The following BANP variants were observed in gnomAD, a reference collection of about 807,000 sequenced individuals.
BANP encodes the protein protein BANP.
A neutral mutation model predicts 68.1 loss-of-function variants in BANP; 11 were observed. The observed-to-expected ratio is 0.16, with a 90% confidence interval of 0.10 to 0.27. BANP has a LOEUF of 0.27. BANP is among the 10% of genes least tolerant of loss of function. The probability of loss-of-function intolerance (pLI) is 1.00; values close to 1 mark genes in which losing one functional copy is unlikely to be tolerated. For missense variants in BANP, 504 were observed against 722.7 expected, an observed-to-expected ratio of 0.70 and a Z score of 3.47; for synonymous variants, 329 against 303.2, an observed-to-expected ratio of 1.09 and a Z score of -0.88.
At chr16:87,980,665 C>T in intron 2 of BANP, 2 of 226,550 alleles carry the variant, frequency 8.8e-6, no homozygotes, top group South Asian at 1.2e-4. Context: ...AATGAGGTGA[C>T]CAACAGATAA....
At chr16:88,028,752 G>A (rs981687573) in intron 8 of BANP, among the ~76,000 whole-genome samples, 6 of 152,196 alleles carry the variant, frequency 3.9e-5, no homozygotes, top group African/African-American at 7.2e-5. Flanking sequence ...GGAATATTGC[G>A]CATGACTTGA....
Position 87,975,107 on chromosome 16 carries a change from G to A in BANP, c.-9G>A, listed in dbSNP as rs769631835. ...CTTTCGTGTTGACCGGCCACTCTCC[G>A]TGCTCTGGATGATGTCGGAACACGA... is the stretch of plus-strand genomic sequence containing the variant. On this transcript the variant is annotated 5_prime_UTR_variant, in exon 2 of 14. It adds an upstream start codon to the 5' untranslated region. Transcript: ENST00000682872. The A allele has an allele frequency of 2.0e-5, 30 of 1,513,392 alleles. No individual in the cohort carries two copies. Among genetic ancestry groups the A allele is most frequent in the Admixed American group, 9.6e-5 (5 of 51,848 alleles). The allele number at this position is 1,513,392 out of a possible 1,614,324, so 93.7% of individuals were successfully genotyped here.
chr16:88,011,918 G>A (rs571236271), intron 6 of BANP, among the ~76,000 whole-genome samples: 2 of 152,258 alleles, frequency 1.3e-5, no homozygotes, highest in Admixed American at 1.3e-4. Flanking sequence ...TGAAGCATCC[G>A]TTATGTGATA....
Position 88,004,559 on chromosome 16 carries a change from C to T in BANP, c.479+148C>T. The T allele has an allele frequency of 1.7e-6, 1 of 585,866 alleles. No individual in the cohort carries two copies. The highest frequency in any genetic ancestry group is 3.0e-6 in the Non-Finnish European group (1 of 335,660). 36.3% of individuals were successfully genotyped at this position (585,866 alleles called of 1,614,324 possible). A position where few individuals can be genotyped will look rare whatever the true frequency, so the allele number is the denominator to read the frequency against. On this transcript the variant is annotated intron_variant, in intron 5 of 13. Transcript: ENST00000682872. The surrounding 1 kb of genome is among the most constrained non-coding windows in gnomAD (Gnocchi z 7.0). ...GAGCCTGGCAGGCACCGCCCCAGCT[C>T]TCTGAGGTCGGGGAGGGCAGGCTGG...
intron 4 of BANP, 130 bp downstream of exon 4, chr16:87,984,389 A>G (rs1294763835): frequency 9.2e-7 from 1 of 1,082,836 alleles, no homozygotes; most frequent in Non-Finnish European, 1.3e-6. Flanking sequence ...CAGTCTCAGC[A>G]GTTTCTAACT....
intron 1 of BANP, among the ~76,000 whole-genome samples, chr16:87,956,062 G>A (rs547220415): frequency 6.6e-6 from 1 of 152,290 alleles, no homozygotes; most frequent in South Asian, 2.1e-4. Flanking sequence ...CAGGTGCTGG[G>A]CAGTGGGCCT....
At chr16:87,969,534 C>CT (rs71156276) in intron 1 of BANP, among the ~76,000 whole-genome samples, 90,211 of 138,954 alleles carry the variant, frequency 0.65, 29,637 homozygotes, top group African/African-American at 0.72. Flanking sequence ...TCGAGATTGA[C>CT]TTTTTTTTTT....
At chr16:88,058,609 C>G (rs1295703763) in intron 11 of BANP, among the ~76,000 whole-genome samples, 2 of 152,180 alleles carry the variant, frequency 1.3e-5, no homozygotes, top group Non-Finnish European at 2.9e-5. Context: ...AACCCACCAC[C>G]ATCGTTCTTT....
intron 4 of BANP, among the ~76,000 whole-genome samples, chr16:87,990,059 G>A (rs962342378): frequency 1.3e-5 from 2 of 152,264 alleles, no homozygotes; most frequent in Non-Finnish European, 2.9e-5. Flanking sequence ...TCAGACAGCA[G>A]CTCACAGCCC....
At chr16:87,955,668 C>T (rs555483044) in intron 1 of BANP, among the ~76,000 whole-genome samples, 13 of 152,206 alleles carry the variant, frequency 8.5e-5, no homozygotes, top group African/African-American at 2.9e-4. Context: ...CAAAGTATCT[C>T]CCCCAAGATA....
upstream of BANP, chr16:87,949,367 C>T (rs930669596): frequency 1.3e-5 from 2 of 152,150 alleles, no homozygotes; most frequent in African/African-American, 4.8e-5. Context: ...TGAATGCAGC[C>T]GTGATTGAGG....
Position 88,071,208 on chromosome 16 carries a change from G to A in BANP, c.1378-861G>A. 2.9e-6 allele frequency: 1 copy of A among 345,200 alleles called. No homozygotes were observed. The highest frequency in any genetic ancestry group is 5.7e-6 in the Non-Finnish European group (1 of 175,500). 21.4% of individuals were successfully genotyped at this position (345,200 alleles called of 1,614,324 possible). On this transcript the variant is annotated intron_variant, in intron 12 of 13. Coordinates refer to ENST00000682872, the MANE Select transcript of BANP (RefSeq NM_001386991.1). The surrounding 1 kb of genome is among the most constrained non-coding windows in gnomAD (Gnocchi z 6.5). ...GCGGTTCTGTGTGGAGGTGTGGGATGCATCTCCTGGCCCTCCCGTAGTGGG... is the reference window on the plus strand; with the variant it reads ...GCGGTTCTGTGTGGAGGTGTGGGATACATCTCCTGGCCCTCCCGTAGTGGG...
chr16:87,997,306 C>CA (rs1267863663), intron 4 of BANP, among the ~76,000 whole-genome samples: 2 of 152,214 alleles, frequency 1.3e-5, no homozygotes, highest in Non-Finnish European at 2.9e-5. Flanking sequence ...TTAAAAAACT[C>CA]AAACACTGAA....
rs369897325 is a variant in BANP, at chr16:88,029,381, G to A, written c.1063+1731G>A. Among the ~76,000 whole-genome samples, 67 of 151,114 alleles carry A rather than the reference G, an allele frequency of 4.4e-4. 1 individual carries two copies. The highest frequency in any genetic ancestry group is 1.5e-3 in the African/African-American group (63 of 41,144). On this transcript the variant is annotated intron_variant, in intron 8 of 13. Transcript: ENST00000682872. ...TCCCAGCACTTTGGGAGGCCAAGGC[G>A]GGCAGATCATGAGGTCAGGAGATCG...
At position 88,076,662 on chromosome 16, in the gene BANP, G is replaced by C. The variant is rs1384208204; in HGVS notation, c.*1G>C. 9.3e-6 allele frequency: 15 copies of C among 1,607,218 alleles called. No individual in the cohort carries two copies. Among genetic ancestry groups the C allele is most frequent in the Non-Finnish European group, 9.3e-6 (11 of 1,179,404 alleles). Reference sequence around the variant, plus strand: ...GCACGGGGCCATCCAGATTCAGTGAGCGGTGCCCATGGCACCAGGAGCCCC... The same window carrying C: ...GCACGGGGCCATCCAGATTCAGTGACCGGTGCCCATGGCACCAGGAGCCCC... On this transcript the variant is annotated 3_prime_UTR_variant, in exon 14 of 14. Transcript: ENST00000682872.
intron 11 of BANP, among the ~76,000 whole-genome samples, chr16:88,058,709 G>A (rs1254978393): frequency 7.0e-6 from 1 of 143,222 alleles, no homozygotes; most frequent in Non-Finnish European, 1.6e-5. Flanking sequence ...GAGACCATGG[G>A]ACTGGGAGGT....
Position 88,003,592 on chromosome 16 carries a change from G to A in BANP, c.363-703G>A, listed in dbSNP as rs2070075980. On this transcript the variant is annotated intron_variant, in intron 4 of 13. Coordinates refer to ENST00000682872, the MANE Select transcript of BANP (RefSeq NM_001386991.1). The surrounding 1 kb of genome is among the most constrained non-coding windows in gnomAD (Gnocchi z 6.1). The stretch of plus-strand genomic sequence containing the variant: ...AGTCTGTACTTTGAGATGAAGCTGT[G>A]TTAGCTGCCGCCTGTCTGAACACAC... 2 of 454,524 alleles carry A rather than the reference G, an allele frequency of 4.4e-6. No homozygotes were observed. Among genetic ancestry groups the A allele is most frequent in the South Asian group, 3.1e-5 (2 of 64,364 alleles). The allele number at this position is 454,524 out of a possible 1,614,324, so 28.2% of individuals were successfully genotyped here.
rs920824039 is a variant in BANP at position 88,018,227 on chromosome 16, G to C, written c.656-201G>C. Among the ~76,000 whole-genome samples the C allele has an allele frequency of 6.6e-6, 1 of 152,022 alleles. No individual in the cohort carries two copies. The highest frequency in any genetic ancestry group is 1.5e-5 in the Non-Finnish European group (1 of 68,006). ...GCCGCTTCTCGGGGGTGGTGGGATCGTGTCTGTTCCGCGTCAGTTCTTTCT... is the reference window on the plus strand; with the variant it reads ...GCCGCTTCTCGGGGGTGGTGGGATCCTGTCTGTTCCGCGTCAGTTCTTTCT... On this transcript the variant is annotated intron_variant, in intron 6 of 13. Coordinates refer to ENST00000682872, the MANE Select transcript of BANP (RefSeq NM_001386991.1). The surrounding 1 kb of genome is among the most constrained non-coding windows in gnomAD (Gnocchi z 7.7).
At position 88,039,539 on chromosome 16, in the gene BANP, C is replaced by T. The variant is rs921196349; in HGVS notation, c.1311+1528C>T. On this transcript the variant is annotated intron_variant, in intron 11 of 13. Coordinates refer to ENST00000682872, the MANE Select transcript of BANP (RefSeq NM_001386991.1). ...TAAGGCACGTCACCTTCGACATTCC[C>T]TTGTTCCTGTCTCTACCCCTGAACA... 2.1e-5 allele frequency among the ~76,000 whole-genome samples: 3 copies of T among 143,644 alleles called. 1 individual carries two copies. The highest frequency in any genetic ancestry group is 2.4e-5 in the African/African-American group (1 of 41,006). 94.2% of individuals were successfully genotyped at this position (143,644 alleles called of 152,430 possible).
Sources: allele counts gnomAD v4.1 joint callset (sites outside exome capture counted in the v4.1 genomes callset), GRCh38; gene constraint gnomAD v4.1.1; non-coding constraint Gnocchi (gnomAD v3.1); transcripts MANE v1.5; gene names NCBI Gene and HGNC (gene_info 2026-07-23, HGNC 2026-07-21).